UGT2B7: variants seen among roughly 807,000 people sequenced by gnomAD.
UGT2B7 encodes the protein UDP-glucuronosyltransferase 2B7.
Under a neutral mutation model 51.9 loss-of-function variants are expected in UGT2B7, and 51 were observed. The observed-to-expected ratio is 0.98, with a 90% CI of 0.78 to 1.24. The LOEUF is 1.24. Among genes scored for constraint, UGT2B7 ranks in the 50% most tolerant of loss-of-function variants. UGT2B7 has a pLI of 0.00. For synonymous variants in UGT2B7, 225 were observed against 211.6 expected, an observed-to-expected ratio of 1.06 and a Z score of -0.55; for missense variants, 727 against 628.4, an observed-to-expected ratio of 1.16 and a Z score of -1.68.
chr4:69,062,828 GT>G (rs1211130597), intron 1 of UGT2B7, among the ~76,000 whole-genome samples: 4 of 152,118 alleles, frequency 2.6e-5, no homozygotes, highest in African/African-American at 9.7e-5. Flanking sequence ...ATGAATAAAT[GT>G]GGCCAGAAAT....
At chr4:69,082,490 T>C (rs893301665) in intron 1 of UGT2B7, among the ~76,000 whole-genome samples, 1 of 151,924 alleles carries the variant, frequency 6.6e-6, no homozygotes, top group African/African-American at 2.4e-5. Flanking sequence ...TAAAACCGCA[T>C]TATCATTCAT....
intron 1 of UGT2B7, among the ~76,000 whole-genome samples, chr4:69,068,017 A>T (rs540190035): frequency 1.6e-4 from 24 of 152,202 alleles, no homozygotes; most frequent in African/African-American, 5.8e-4. Flanking sequence ...TCATTTTTAA[A>T]CATTTTTTGT....
chr4:69,076,172 T>G (rs1577912802), intron 1 of UGT2B7, among the ~76,000 whole-genome samples: 1 of 152,218 alleles, frequency 6.6e-6, no homozygotes, highest in South Asian at 2.1e-4. Context: ...CTTTATCCAA[T>G]CTATCACTGA....
intron 3 of UGT2B7, 138 bp downstream of exon 3, chr4:69,103,076 A>C: frequency 6.9e-7 from 1 of 1,454,178 alleles, no homozygotes; most frequent in Non-Finnish European, 9.1e-7. Flanking sequence ...AATCTTGGAG[A>C]AACTATGAGA....
rs1183992422 is a variant in UGT2B7, at chr4:69,056,922, G to GA, written c.-159+5327dup. Among the ~76,000 whole-genome samples the GA allele has an allele frequency of 3.9e-5, 6 of 152,128 alleles. No individual in the cohort carries two copies. In the South Asian group the frequency reaches 1.0e-3, roughly 26 times the overall value. On this transcript the variant is annotated intron_variant, in intron 1 of 5. Transcript: ENST00000502942. ...GTTTTATCCTCAGTACCTGTTTTAA[G>GA]AAAAAAACAAATAAGTGAAATCAAA...
In UGT2B7 at chr4:69,112,438, CTTTATT is replaced by C; in HGVS notation, c.1311-13_1311-8del. ...GTAACTCTTCCTGCTACATTACTGT[CTTTATT>C]TTTATCTTTCAGATATAAAGAGAAT... On this transcript the variant is annotated splice_polypyrimidine_tract_variant and intron_variant, in intron 5 of 5. Coordinates refer to ENST00000305231, the MANE Select transcript of UGT2B7 (RefSeq NM_001074.4). 1 of 1,608,498 alleles carries C rather than the reference CTTTATT, an allele frequency of 6.2e-7. No individual in the cohort carries two copies. Among genetic ancestry groups the C allele is most frequent in the South Asian group, 1.1e-5 (1 of 90,198 alleles).
intron 1 of UGT2B7, among the ~76,000 whole-genome samples, chr4:69,063,401 G>C (rs963845468): frequency 6.6e-6 from 1 of 151,492 alleles, no homozygotes; most frequent in African/African-American, 2.4e-5. Context: ...GCACAAGATA[G>C]GTCAGGGGGT....
At chr4:69,091,327 G>A (rs1269771343) in intron 2 of UGT2B7, among the ~76,000 whole-genome samples, 1 of 152,004 alleles carries the variant, frequency 6.6e-6, no homozygotes, top group Non-Finnish European at 1.5e-5. Flanking sequence ...TGTACCTTTG[G>A]GTTTTGTGTG....
At chr4:69,075,378 C>T (rs1718680970) in intron 1 of UGT2B7, among the ~76,000 whole-genome samples, 1 of 152,106 alleles carries the variant, frequency 6.6e-6, no homozygotes, top group South Asian at 2.1e-4. Context: ...CTGTCTTCTA[C>T]TTATACCTTT....
At chr4:69,107,631 A>G (rs1337095852) in intron 4 of UGT2B7, among the ~76,000 whole-genome samples, 1 of 152,104 alleles carries the variant, frequency 6.6e-6, no homozygotes, top group African/African-American at 2.4e-5. Flanking sequence ...TTCTATCACC[A>G]GTGACTCTGT....
At chr4:69,064,090 A>AGAG (rs1560499746) in intron 1 of UGT2B7, among the ~76,000 whole-genome samples, 25 of 97,584 alleles carry the variant, frequency 2.6e-4, no homozygotes, top group African/African-American at 4.7e-4. Context: ...GAAAGAAAGA[A>AGAG]AGAAAGAGAA....
intron 1 of UGT2B7, among the ~76,000 whole-genome samples, chr4:69,063,429 A>G (rs556097466): frequency 6.6e-6 from 1 of 152,100 alleles, no homozygotes; most frequent in Non-Finnish European, 1.5e-5. Context: ...CCCTATTTAC[A>G]TGCTTAATCA....
chr4:69,106,277 G>A (rs1312198745), intron 3 of UGT2B7, among the ~76,000 whole-genome samples: 1 of 151,932 alleles, frequency 6.6e-6, no homozygotes, highest in Non-Finnish European at 1.5e-5. Flanking sequence ...ATACACCACA[G>A]TGTATGTTGT....
At chr4:69,065,801 G>C (rs1718468559) in intron 1 of UGT2B7, among the ~76,000 whole-genome samples, 1 of 152,238 alleles carries the variant, frequency 6.6e-6, no homozygotes, top group South Asian at 2.1e-4. Context: ...AAATTTGTGA[G>C]ATGAATGTGT....
chr4:69,112,342 G>A (rs1719797093), intron 5 of UGT2B7, 115 bp from the exon 6 acceptor site: 1 of 1,380,954 alleles, frequency 7.2e-7, no homozygotes. Flanking sequence ...TCTTGAGAGA[G>A]GAGTCTTGCC....
At chr4:69,056,115 C>T (rs1718187930) in intron 1 of UGT2B7, among the ~76,000 whole-genome samples, 1 of 152,078 alleles carries the variant, frequency 6.6e-6, no homozygotes, top group Admixed American at 6.6e-5. Context: ...CTTCTTACTG[C>T]CCATAAAAAC....
chr4:69,059,632 G>A lies in UGT2B7; in HGVS notation c.-159+8030G>A, dbSNP rs75191348. Among the ~76,000 whole-genome samples the A allele has an allele frequency of 1.3e-4, 15 of 111,816 alleles. No homozygotes were observed. The East Asian group carries it at 3.5e-3, about 26-fold the overall frequency. The allele number at this position is 111,816 out of a possible 152,430, so 73.4% of individuals were successfully genotyped here. A position where few individuals can be genotyped will look rare whatever the true frequency, so the allele number is the denominator to read the frequency against. On this transcript the variant is annotated intron_variant, in intron 1 of 5. Transcript: ENST00000502942. ...GGCTGTAAGTCAGGCACCAGTGGTG[G>A]TAGAGTTAAAATCCAGTTCAGGTCC...
intron 1 of UGT2B7, among the ~76,000 whole-genome samples, chr4:69,062,584 G>A (rs1291880364): frequency 2.0e-5 from 3 of 152,126 alleles, no homozygotes; most frequent in Non-Finnish European, 2.9e-5. Context: ...ACAGTCAGCT[G>A]AAATTATCAG....
chr4:69,097,105 T>C lies in UGT2B7; in HGVS notation c.585T>C (p.Pro195=). 3 of 1,613,726 alleles carry C rather than the reference T, an allele frequency of 1.9e-6. No individual in the cohort carries two copies. Among genetic ancestry groups the C allele is most frequent in the Non-Finnish European group, 2.5e-6 (3 of 1,179,702 alleles). The change falls in exon 1 of 6, where the codon CCT becomes CCC. Residue 195 remains proline, a synonymous_variant. Coordinates refer to ENST00000305231, the MANE Select transcript of UGT2B7 (RefSeq NM_001074.4). ...TTATTTTCCCTCCTTCCTACGTACC[T>C]GTTGTTATGTCAGAATTAACTGATC... ...GGFIFPPSYV[P]VVMSELTDQM... is the part of the protein sequence containing the mutation.
Sources: allele counts gnomAD v4.1 joint callset (sites outside exome capture counted in the v4.1 genomes callset), GRCh38; gene constraint gnomAD v4.1.1; transcripts MANE v1.5; gene names NCBI Gene and HGNC (gene_info 2026-07-23, HGNC 2026-07-21).